Variants in KIAA0513 observed in about 807,000 individuals in gnomAD.
KIAA0513 encodes KIAA0513, also known as uncharacterized protein KIAA0513.
A neutral mutation model predicts 56.5 loss-of-function variants in KIAA0513; 39 were observed. The observed-to-expected ratio is 0.69, with a 90% CI of 0.53 to 0.90. KIAA0513 has a LOEUF of 0.90. Ranked by LOEUF, KIAA0513 falls within the 40% of genes least tolerant of loss-of-function variation. The pLI is 0.00. For synonymous variants in KIAA0513, 268 were observed against 215.6 expected (o/e 1.24, Z -2.13); for missense variants, 591 against 535.2 (o/e 1.10, Z -1.03).
chr16:85,072,537 T>A (rs891993919), intron 3 of KIAA0513, among the ~76,000 whole-genome samples: 1 of 152,194 alleles, frequency 6.6e-6, no homozygotes, highest in East Asian at 1.9e-4. Flanking sequence ...GTGCAAATAA[T>A]TTATTTTTCA....
chr16:85,043,516 A>G (rs963493760), intron 1 of KIAA0513, among the ~76,000 whole-genome samples: 2 of 149,250 alleles, frequency 1.3e-5, no homozygotes, highest in Admixed American at 1.4e-4. Flanking sequence ...GGTTCAAGCA[A>G]TTCTCATGCC....
chr16:85,050,845 T>G (rs1055807280), intron 1 of KIAA0513, among the ~76,000 whole-genome samples: 1 of 152,196 alleles, frequency 6.6e-6, no homozygotes. Context: ...GAGCCTGCCC[T>G]TCACAGGCGT....
rs193027890 is a variant in KIAA0513 at position 85,031,110 on chromosome 16, G to A, written c.-173+3252G>A. 2.6e-5 allele frequency among the ~76,000 whole-genome samples: 4 copies of A among 152,334 alleles called. No individual in the cohort carries two copies. The East Asian group carries it at 7.7e-4, about 29-fold the overall frequency. Reference sequence around the variant, plus strand: ...ATTAGATGTAAGCCTGGAGAAGCTTGGGAACTGTGATTTATTAAGCTCATT... The same window carrying A: ...ATTAGATGTAAGCCTGGAGAAGCTTAGGAACTGTGATTTATTAAGCTCATT... On this transcript the variant is annotated intron_variant, in intron 1 of 12. Coordinates refer to ENST00000683363, the MANE Select transcript of KIAA0513 (RefSeq NM_001388359.1).
rs1387386035 is a variant in KIAA0513, at chr16:85,076,032, A to G, written c.574+118A>G. 2 of 738,026 alleles carry G rather than the reference A, an allele frequency of 2.7e-6. No homozygotes were observed. Among genetic ancestry groups the G allele is most frequent in the Non-Finnish European group, 4.8e-6 (2 of 418,672 alleles). The allele number at this position is 738,026 out of a possible 1,614,324, so 45.7% of individuals were successfully genotyped here. ...AAGCTATGGGGCCTCCAGAGAACAG[A>G]GGAAGCTGATGTTAGGGAGGAGTGA... On this transcript the variant is annotated intron_variant, in intron 5 of 12. Coordinates refer to ENST00000683363, the MANE Select transcript of KIAA0513 (RefSeq NM_001388359.1). This position sits in a 1 kb window ranked among gnomAD's most constrained non-coding sequence, Gnocchi z 4.7.
chr16:85,036,567 G>A (rs2073039260), intron 1 of KIAA0513, among the ~76,000 whole-genome samples: 1 of 152,000 alleles, frequency 6.6e-6, no homozygotes, highest in South Asian at 2.1e-4. Flanking sequence ...CTGGCCCTCT[G>A]CACTCGTCTC....
At chr16:85,036,489 C>G (rs2073038317) in intron 1 of KIAA0513, among the ~76,000 whole-genome samples, 2 of 152,148 alleles carry the variant, frequency 1.3e-5, no homozygotes, top group African/African-American at 4.8e-5. Flanking sequence ...ACGTGTCCAT[C>G]CTTTGTTCCT....
At chr16:85,044,313 A>C (rs1294491274) in intron 1 of KIAA0513, among the ~76,000 whole-genome samples, 1 of 151,988 alleles carries the variant, frequency 6.6e-6, no homozygotes, top group Non-Finnish European at 1.5e-5. Context: ...AGGCATGTCG[A>C]GTGTCCCCTG....
intron 1 of KIAA0513, among the ~76,000 whole-genome samples, chr16:85,050,563 G>C (rs2073238746): frequency 6.6e-6 from 1 of 152,092 alleles, no homozygotes; most frequent in African/African-American, 2.4e-5. Flanking sequence ...TGATCCCCCT[G>C]CCTCGGCTTC....
intron 1 of KIAA0513, among the ~76,000 whole-genome samples, chr16:85,047,340 C>T (rs781227873): frequency 3.3e-5 from 5 of 152,170 alleles, no homozygotes; most frequent in Non-Finnish European, 7.3e-5. Context: ...GTTGTTTTCC[C>T]GAGAGCTCCT....
chr16:85,047,762 G>A (rs1308668097), intron 1 of KIAA0513, among the ~76,000 whole-genome samples: 1 of 152,136 alleles, frequency 6.6e-6, no homozygotes. Flanking sequence ...TGGAGCCCCC[G>A]GGCACACTCT....
chr16:85,079,695 A>G (rs917740360), intron 8 of KIAA0513: 1 of 152,268 alleles, frequency 6.6e-6, no homozygotes, highest in African/African-American at 2.4e-5. Context: ...ATGGGGTGAG[A>G]GAATGTTCTG....
At chr16:85,032,289 C>T (rs1028341855) in intron 1 of KIAA0513, among the ~76,000 whole-genome samples, 1 of 152,238 alleles carries the variant, frequency 6.6e-6, no homozygotes, top group African/African-American at 2.4e-5. Context: ...CTCTTCTCCT[C>T]TTAAAAGGGC....
At chr16:85,080,009 C>A (rs1402401990) in intron 8 of KIAA0513, among the ~76,000 whole-genome samples, 1 of 152,190 alleles carries the variant, frequency 6.6e-6, no homozygotes, top group Non-Finnish European at 1.5e-5. Flanking sequence ...CCTCCCTCCC[C>A]TGAAGATCAC....
rs781469786 is a variant in KIAA0513, at chr16:85,091,675, C to T, written c.*3350C>T. The T allele has an allele frequency of 2.6e-5, 4 of 152,214 alleles. No individual in the cohort carries two copies. Among genetic ancestry groups the T allele is most frequent in the Non-Finnish European group, 5.9e-5 (4 of 68,048 alleles). The allele number at this position is 152,214 out of a possible 1,614,324, so 9.4% of individuals were successfully genotyped here. On this transcript the variant is annotated 3_prime_UTR_variant, in exon 13 of 13. Transcript: ENST00000683363. ...GTTGAAACCAAACAGGCCTCTCGCT[C>T]ACTCCTCCCAGCCCAGTAATGCTGA...
chr16:85,046,092 AG>A (rs1044846728), intron 1 of KIAA0513, among the ~76,000 whole-genome samples: 1 of 152,112 alleles, frequency 6.6e-6, no homozygotes, highest in African/African-American at 2.4e-5. Context: ...TTGCACATTG[AG>A]GGAGCTGCTT....
At chr16:85,035,981 A>G (rs78107245) in intron 1 of KIAA0513, among the ~76,000 whole-genome samples, 9 of 150,294 alleles carry the variant, frequency 6.0e-5, no homozygotes, top group African/African-American at 2.2e-4. Context: ...TCCGTCCCAA[A>G]AAAAAAAAAA....
chr16:85,088,355 T>C lies in KIAA0513; in HGVS notation c.*30T>C. 1.3e-6 allele frequency: 2 copies of C among 1,596,140 alleles called. No homozygotes were observed. The highest frequency in any genetic ancestry group is 1.7e-6 in the Non-Finnish European group (2 of 1,171,148). On this transcript the variant is annotated 3_prime_UTR_variant, in exon 13 of 13. Coordinates refer to ENST00000683363, the MANE Select transcript of KIAA0513 (RefSeq NM_001388359.1). ...CAGAGGTCGCACTCCGCAGGAGGAC[T>C]GAGGCCATGTGCCATTCTCCCGGGC...
chr16:85,033,357 C>G (rs1257493014), intron 1 of KIAA0513, among the ~76,000 whole-genome samples: 1 of 152,206 alleles, frequency 6.6e-6, no homozygotes, highest in African/African-American at 2.4e-5. Flanking sequence ...CAGGGTTTCT[C>G]TGATGCACTC....
In KIAA0513 at chr16:85,071,868, T is replaced by C. The variant is rs757731890; in HGVS notation, c.415T>C (p.Tyr139His). 1 of 1,610,274 alleles carries C rather than the reference T, an allele frequency of 6.2e-7. No individual in the cohort carries two copies. Among genetic ancestry groups the C allele is most frequent in the South Asian group, 1.1e-5 (1 of 90,978 alleles). ...NGKGREWFAR[Y>H]VSAQRCNSKC... ...AAAAGGCCGGGAGTGGTTTGCTCGA[T>C]ACGTGAGTGCCCAGGTAAGGGCGAG... The change falls in exon 3 of 13, where the codon TAC (tyrosine) becomes CAC (histidine). Residue 139 changes from tyrosine to histidine, a missense_variant. Physicochemically the swap from Tyr to His is moderately conservative, Grantham distance 83. Transcript: ENST00000683363.
Sources: gnomAD v4.1 joint callset for allele counts (sites outside exome capture counted in the v4.1 genomes callset) on GRCh38, gnomAD v4.1.1 for gene constraint, Gnocchi (gnomAD v3.1) non-coding constraint, MANE v1.5 for transcripts, NCBI Gene and HGNC (gene_info 2026-07-23, HGNC 2026-07-21) for gene names.